SNX30: variants seen among roughly 807,000 people sequenced by gnomAD.
The protein encoded by SNX30 is sorting nexin-30.
A neutral mutation model predicts 46.4 loss-of-function variants in SNX30; 24 were observed. The ratio of observed to expected loss-of-function variants is 0.52; its 90% CI spans 0.37 to 0.73. The LOEUF is 0.73. SNX30 is among the 30% of genes least tolerant of loss of function. SNX30 has a pLI of 0.00. For synonymous variants in SNX30, 189 were observed against 211.5 expected, an observed-to-expected ratio of 0.89 and a Z score of 0.92; for missense variants, 533 against 555.7, an observed-to-expected ratio of 0.96 and a Z score of 0.41.
chr9:112,831,959 A>G (rs1447955129), intron 4 of SNX30, among the ~76,000 whole-genome samples: 1 of 152,226 alleles, frequency 6.6e-6, no homozygotes, highest in Non-Finnish European at 1.5e-5. Flanking sequence ...CATGTTGGCA[A>G]GGGTATTGTG....
At chr9:112,825,563 G>A (rs544233474) in intron 3 of SNX30, among the ~76,000 whole-genome samples, 64 of 152,124 alleles carry the variant, frequency 4.2e-4, no homozygotes, top group Non-Finnish European at 7.4e-4. Context: ...CAAAATGCTA[G>A]GATTATAGAC....
intron 7 of SNX30, among the ~76,000 whole-genome samples, chr9:112,858,880 C>A (rs1216532630): frequency 6.6e-6 from 1 of 152,034 alleles, no homozygotes; most frequent in Non-Finnish European, 1.5e-5. Flanking sequence ...AACCTTGGGC[C>A]CTGCCTCCCT....
intron 1 of SNX30, among the ~76,000 whole-genome samples, chr9:112,773,552 GT>G (rs1258895708): frequency 6.6e-6 from 1 of 152,116 alleles, no homozygotes; most frequent in Non-Finnish European, 1.5e-5. Flanking sequence ...GTAGGAATAG[GT>G]GCATCTTGAG....
chr9:112,811,052 G>A (rs886870094), intron 2 of SNX30, among the ~76,000 whole-genome samples: 3 of 152,158 alleles, frequency 2.0e-5, no homozygotes, highest in Non-Finnish European at 4.4e-5. Flanking sequence ...GCAGAAGAAC[G>A]ACAAGACTTT....
rs1383260482 is a variant in SNX30 at position 112,804,803 on chromosome 9, C to A, written c.184C>A (p.Pro62Thr). 4 of 1,612,354 alleles carry A rather than the reference C, an allele frequency of 2.5e-6. No homozygotes were observed. The highest frequency in any genetic ancestry group is 3.4e-6 in the Non-Finnish European group (4 of 1,178,986). The change falls in exon 2 of 9, where the codon CCA becomes ACA. Residue 62 changes from proline (P) to threonine (T), a missense_variant. Physicochemically the swap from Pro to Thr is conservative, Grantham distance 38. This residue lies in a region of SNX30 where 191 missense variants were observed against 160.3 expected (regional missense o/e 1.19). Coordinates refer to ENST00000374232, the MANE Select transcript of SNX30 (RefSeq NM_001012994.2). ...TCTCATTTTGCCCAACGGTGGTACT[C>A]CAGCAGGTACTTCAAGTCCAGCTTC... ...KDLILPNGGT[P>T]AGTSSPASSS...
chr9:112,841,474 G>T (rs148573490), intron 6 of SNX30, among the ~76,000 whole-genome samples: 1 of 152,182 alleles, frequency 6.6e-6, no homozygotes, highest in South Asian at 2.1e-4. Context: ...TGAGTGAATG[G>T]GATTGATTGT....
intron 1 of SNX30, among the ~76,000 whole-genome samples, chr9:112,764,899 G>A (rs1323248212): frequency 3.3e-5 from 5 of 152,114 alleles, no homozygotes; most frequent in Admixed American, 3.3e-4. Flanking sequence ...TAACATCATC[G>A]ACGCAGGGGG....
chr9:112,828,461 T>G (rs531306003), intron 3 of SNX30, among the ~76,000 whole-genome samples: 1 of 152,344 alleles, frequency 6.6e-6, no homozygotes, highest in East Asian at 1.9e-4. Flanking sequence ...ACAATGCATT[T>G]CTCAGAGTGT....
intron 1 of SNX30, among the ~76,000 whole-genome samples, chr9:112,785,388 T>A (rs1013992052): frequency 2.7e-5 from 4 of 150,690 alleles, no homozygotes; most frequent in Admixed American, 2.0e-4. Flanking sequence ...GCTAAGTTTT[T>A]TTTTTTTTTT....
downstream of SNX30, chr9:112,885,426 ATATATATATATGTG>A (rs1156709840): frequency 3.8e-5 from 3 of 79,734 alleles, no homozygotes; most frequent in South Asian, 5.8e-4. Context: ...CTGTGTGTGT[ATATATATATATGTG>A]TATATATATA....
chr9:112,780,243 C>A (rs1320222319), intron 1 of SNX30, among the ~76,000 whole-genome samples: 1 of 152,162 alleles, frequency 6.6e-6, no homozygotes, highest in Non-Finnish European at 1.5e-5. Flanking sequence ...GGTGAGAGGG[C>A]AAACCCAATC....
chr9:112,805,733 T>C (rs1319486030), intron 2 of SNX30, among the ~76,000 whole-genome samples: 1 of 152,186 alleles, frequency 6.6e-6, no homozygotes, highest in Non-Finnish European at 1.5e-5. Context: ...CCTCCCAAAG[T>C]GCTGGGATTA....
intron 1 of SNX30, among the ~76,000 whole-genome samples, chr9:112,762,880 G>C (rs1017668969): frequency 1.3e-5 from 2 of 152,234 alleles, no homozygotes; most frequent in African/African-American, 4.8e-5. Context: ...CATGGAGCAC[G>C]AGCCTCGGTT....
In SNX30 at chr9:112,874,236, C is replaced by G. The variant is rs1841488097; in HGVS notation, c.*5393C>G. On this transcript the variant is annotated 3_prime_UTR_variant, in exon 9 of 9. Coordinates refer to ENST00000374232, the MANE Select transcript of SNX30 (RefSeq NM_001012994.2). ...ATCTCGGCCTTTATCCAATAACAAA[C>G]CAGCATCTCTTAAAGGCGCTTTTGG... 6.6e-6 allele frequency: 1 copy of G among 152,204 alleles called. No individual in the cohort carries two copies. The highest frequency in any genetic ancestry group is 1.5e-5 in the Non-Finnish European group (1 of 68,050). 9.4% of individuals were successfully genotyped at this position (152,204 alleles called of 1,614,324 possible).
At chr9:112,825,947 G>A (rs1840573581) in intron 3 of SNX30, among the ~76,000 whole-genome samples, 1 of 152,166 alleles carries the variant, frequency 6.6e-6, no homozygotes, top group African/African-American at 2.4e-5. Flanking sequence ...CTTATGACAG[G>A]AGGAAATTCT....
At chr9:112,787,646 T>A (rs1839951856) in intron 1 of SNX30, among the ~76,000 whole-genome samples, 3 of 152,000 alleles carry the variant, frequency 2.0e-5, no homozygotes, top group Admixed American at 1.3e-4. Flanking sequence ...AGCTTAGATG[T>A]AACATCTAAG....
intron 3 of SNX30, among the ~76,000 whole-genome samples, chr9:112,824,459 G>T (rs1368152420): frequency 1.3e-5 from 2 of 151,464 alleles, no homozygotes; most frequent in African/African-American, 4.9e-5. Context: ...CCATCACTCA[G>T]TTTCAACATT....
intron 7 of SNX30, among the ~76,000 whole-genome samples, chr9:112,860,329 T>C (rs1179928842): frequency 6.6e-6 from 1 of 152,216 alleles, no homozygotes; most frequent in Non-Finnish European, 1.5e-5. Context: ...TAAGCCTTTA[T>C]AAAAGAGCTG....
chr9:112,804,353 C>T (rs995465412), intron 1 of SNX30, among the ~76,000 whole-genome samples: 5 of 152,092 alleles, frequency 3.3e-5, no homozygotes, highest in African/African-American at 7.2e-5. Flanking sequence ...TTAGTAGAGA[C>T]GGGGTTTCAC....
Sources: allele counts gnomAD v4.1 joint callset (sites outside exome capture counted in the v4.1 genomes callset), GRCh38; gene constraint gnomAD v4.1.1; regional missense constraint gnomAD v4.1.1; transcripts MANE v1.5; gene names NCBI Gene and HGNC (gene_info 2026-07-23, HGNC 2026-07-21).